SYN1: variants seen among roughly 807,000 people sequenced by gnomAD.
SYN1 encodes the protein synapsin-1.
SYN1 carries 8 observed loss-of-function variants against 44.6 expected under a neutral mutation model. The ratio of observed to expected loss-of-function variants is 0.18; its 90% CI spans 0.11 to 0.32. The LOEUF is 0.32. Among genes scored for constraint, SYN1 ranks in the 10% least tolerant of loss-of-function variants. SYN1 has a pLI of 1.00. For missense variants in SYN1, 451 were observed against 639.4 expected, an observed-to-expected ratio of 0.71 and a Z score of 3.18; for synonymous variants, 275 against 280.1, an observed-to-expected ratio of 0.98 and a Z score of 0.18.
chrX:47,595,557 C>T (rs753702245), intron 5 of SYN1, among the ~76,000 whole-genome samples: 2 of 112,134 alleles, frequency 1.8e-5, no homozygotes, highest in Admixed American at 9.5e-5. Flanking sequence ...AAAGCCTCCA[C>T]ACATGGTATT....
chrX:47,606,749 A>AT lies in SYN1; in HGVS notation c.527+195dup, dbSNP rs1449578745. Among the ~76,000 whole-genome samples the AT allele has an allele frequency of 9.5e-3, 939 of 98,904 alleles. 15 individuals carry two copies. Among genetic ancestry groups the AT allele is most frequent in the African/African-American group, 0.037 (901 of 24,428 alleles). The allele number at this position is 98,904 out of a possible 115,157, so 85.9% of individuals were successfully genotyped here. On this transcript the variant is annotated intron_variant, in intron 3 of 12. Coordinates refer to ENST00000295987, the MANE Select transcript of SYN1 (RefSeq NM_006950.3). ...GTCTGAAATATATATATATATATATATATTTTTTTTTAAAGTCTGACTTGT... is the reference window on the plus strand; with the variant it reads ...GTCTGAAATATATATATATATATATATTATTTTTTTTTAAAGTCTGACTTGT...
chrX:47,580,885 G>C (rs1478353082), intron 5 of SYN1, among the ~76,000 whole-genome samples: 1 of 109,868 alleles, frequency 9.1e-6, no homozygotes, highest in Non-Finnish European at 1.9e-5. Context: ...AGTGAGCTGA[G>C]ATCGCGCCAC....
At chrX:47,618,597 G>A (rs1325688305) in intron 1 of SYN1, among the ~76,000 whole-genome samples, 1 of 111,087 alleles carries the variant, frequency 9.0e-6, no homozygotes, top group African/African-American at 3.3e-5. Flanking sequence ...GGTGCGGCAC[G>A]TATCAGGCAC....
chrX:47,595,029 C>A (rs922592486), intron 5 of SYN1, among the ~76,000 whole-genome samples: 2 of 111,222 alleles, frequency 1.8e-5, no homozygotes, highest in Non-Finnish European at 3.8e-5. Flanking sequence ...GCCTGGCTGT[C>A]CCATCACATT....
Position 47,575,205 on chromosome X carries a change from C to G in SYN1, c.1228G>C (p.Val410Leu). Residue 410 changes from valine to leucine, a missense_variant, in exon 10 of 13, where the codon GTG (valine) becomes CTG (leucine). Coordinates refer to ENST00000295987, the MANE Select transcript of SYN1 (RefSeq NM_006950.3). ...DEDKQLIVEL[V>L]VNKMAQALPR... Reference sequence around the variant, plus strand: ...AGGGCCTGAGCCATCTTGTTGACCACGAGCTCTACGATGAGCTGTTTGTCT... The same window carrying G: ...AGGGCCTGAGCCATCTTGTTGACCAGGAGCTCTACGATGAGCTGTTTGTCT... 5 of 1,202,306 alleles carry G rather than the reference C, an allele frequency of 4.2e-6. No individual in the cohort carries two copies. The highest frequency in any genetic ancestry group is 5.6e-6 in the Non-Finnish European group (5 of 890,726).
At chrX:47,589,479 G>A (rs1207859804) in intron 5 of SYN1, among the ~76,000 whole-genome samples, 1 of 106,108 alleles carries the variant, frequency 9.4e-6, no homozygotes, top group Non-Finnish European at 1.9e-5. Flanking sequence ...GTGGGCGCCT[G>A]TAGTCCCAGC....
At chrX:47,605,465 A>C in intron 3 of SYN1, 86 bp from the exon 4 acceptor site, 20 of 1,099,588 alleles carry the variant, frequency 1.8e-5, no homozygotes, top group Admixed American at 2.5e-5. Flanking sequence ...TTAAATCTCC[A>C]TAGCTCCCAG....
At position 47,607,045 on chromosome X, in the gene SYN1, G is replaced by A. The variant is rs1317232081; in HGVS notation, c.436-9C>T. On this transcript the variant is annotated splice_polypyrimidine_tract_variant and intron_variant, in intron 2 of 12. Coordinates refer to ENST00000295987, the MANE Select transcript of SYN1 (RefSeq NM_006950.3). ...AGATCAGAGAATTCGGCCTGGGAAG[G>A]AGAAAAAAACTGGTGATTCACCTAC... The A allele has an allele frequency of 8.3e-7, 1 of 1,208,348 alleles. No homozygotes were observed. The highest frequency in any genetic ancestry group is 1.1e-6 in the Non-Finnish European group (1 of 894,246).
At chrX:47,577,324 A>G in intron 6 of SYN1, 115 bp downstream of exon 6, 2 of 798,776 alleles carry the variant, frequency 2.5e-6, no homozygotes, top group Non-Finnish European at 3.7e-6. Context: ...ACCCGCAATT[A>G]CTTTTGCACC....
chrX:47,573,021 G>A lies in SYN1; in HGVS notation c.1983-22C>T, dbSNP rs201459097. On this transcript the variant is annotated intron_variant, in intron 12 of 12. Coordinates refer to ENST00000295987, the MANE Select transcript of SYN1 (RefSeq NM_006950.3). ...TTTGCTAGAGAGAGACAAGGTGGAG[G>A]CGTGGGAGGAAGGGGGAAGAGGAAG... 155 of 1,208,313 alleles carry A rather than the reference G, an allele frequency of 1.3e-4. No individual in the cohort carries two copies. In the East Asian group the frequency reaches 4.3e-3, roughly 33 times the overall value.
At chrX:47,578,477 GAC>G (rs2057784896) in intron 5 of SYN1, among the ~76,000 whole-genome samples, 1 of 111,497 alleles carries the variant, frequency 9.0e-6, no homozygotes, top group Admixed American at 9.5e-5. Flanking sequence ...AGTATATCTA[GAC>G]ACACACACAA....
intron 5 of SYN1, among the ~76,000 whole-genome samples, chrX:47,581,711 T>A (rs975575381): frequency 8.9e-6 from 1 of 112,068 alleles, no homozygotes; most frequent in Non-Finnish European, 1.9e-5. Context: ...CAGAGATTTG[T>A]TGTGAGCTTT....
chrX:47,605,241 G>C lies in SYN1; in HGVS notation c.666C>G (p.Phe222Leu), dbSNP rs1569330476. Residue 222 changes from phenylalanine to leucine, a missense_variant, in exon 4 of 13, where the codon TTC becomes TTG. Phe to Leu is a conservative substitution (Grantham distance 22). Coordinates refer to ENST00000295987, the MANE Select transcript of SYN1 (RefSeq NM_006950.3). ...SVNSLHSVYN[F>L]CDKPWVFAQM... ...TACTTACCACCCAGGGCTTGTCACA[G>C]AAGTTGTAGACAGAATGCAAGGAGT... 2 of 1,206,304 alleles carry C rather than the reference G, an allele frequency of 1.7e-6. No homozygotes were observed. The highest frequency in any genetic ancestry group is 2.2e-6 in the Non-Finnish European group (2 of 893,559).
At chrX:47,617,807 G>A (rs1161357767) in intron 1 of SYN1, among the ~76,000 whole-genome samples, 1 of 112,181 alleles carries the variant, frequency 8.9e-6, no homozygotes, top group African/African-American at 3.2e-5. Context: ...TGGAAGAAAA[G>A]GTCTTTGGGG....
intron 1 of SYN1, among the ~76,000 whole-genome samples, chrX:47,618,196 G>C (rs1360441018): frequency 8.9e-6 from 1 of 112,282 alleles, no homozygotes; most frequent in African/African-American, 3.2e-5. Flanking sequence ...GGCCTTTATG[G>C]AGAGGTCTAA....
In SYN1 at chrX:47,613,513, G is replaced by A. The variant is rs1438081312; in HGVS notation, c.377+5839C>T. On this transcript the variant is annotated intron_variant, in intron 1 of 12. Transcript: ENST00000295987. ...TTCCATCCTGCAAAGAACAGTAATC[G>A]ATTTTGACTGGAATATTCCATATTT... Among the ~76,000 whole-genome samples the A allele has an allele frequency of 2.7e-5, 3 of 111,396 alleles. No homozygotes were observed. In the Admixed American group the frequency reaches 2.9e-4, roughly 11 times the overall value.
rs1333198986 is a variant in SYN1, at chrX:47,574,020, G to A, written c.1964C>T (p.Pro655Leu). The change falls in exon 12 of 13, where the codon CCT becomes CTT. Residue 655 changes from proline (P) to leucine (L), a missense_variant. By Grantham distance (98) the Pro-to-Leu change is moderately conservative. This residue lies in a region of SYN1 where 127 missense variants were observed against 154.8 expected (regional missense o/e 0.82). Coordinates refer to ENST00000295987, the MANE Select transcript of SYN1 (RefSeq NM_006950.3). ...PPPATAAAGGPPHPQLNKSQS... is the reference protein window; with the variant it reads ...PPPATAAAGGLPHPQLNKSQS... ...CCCTTACTTGAGCTGGGGGTGCGGAGGTCCCCCTGCAGCGGCGGTGGCGGG... is the reference window on the plus strand; with the variant it reads ...CCCTTACTTGAGCTGGGGGTGCGGAAGTCCCCCTGCAGCGGCGGTGGCGGG... 1 of 1,148,512 alleles carries A rather than the reference G, an allele frequency of 8.7e-7. No homozygotes were observed. 94.7% of individuals were successfully genotyped at this position (1,148,512 alleles called of 1,213,427 possible).
At chrX:47,609,806 G>A (rs1399805936) in intron 1 of SYN1, among the ~76,000 whole-genome samples, 1 of 111,821 alleles carries the variant, frequency 8.9e-6, no homozygotes, top group Non-Finnish European at 1.9e-5. Context: ...CTATGACACT[G>A]GAGGTGTCAG....
intron 5 of SYN1, among the ~76,000 whole-genome samples, chrX:47,589,319 CAT>C (rs2057839243): frequency 1.0e-5 from 1 of 97,557 alleles, no homozygotes; most frequent in Non-Finnish European, 2.0e-5. Context: ...AAAGGCCGGG[CAT>C]GGTGGCTTAC....
Sources: allele counts gnomAD v4.1 joint callset (sites outside exome capture counted in the v4.1 genomes callset), GRCh38; gene constraint gnomAD v4.1.1; regional missense constraint gnomAD v4.1.1; transcripts MANE v1.5; gene names NCBI Gene and HGNC (gene_info 2026-07-23, HGNC 2026-07-21).